Variants in ZNF483 observed in about 807,000 individuals in gnomAD.
ZNF483 encodes the protein zinc finger protein HIT-10.
Under a neutral mutation model 28.6 loss-of-function variants are expected in ZNF483, and 9 were observed. That is an observed-to-expected ratio of 0.32 (90% confidence interval 0.19 to 0.55). The LOEUF (loss-of-function observed/expected upper bound fraction) is 0.55. Ranked by LOEUF, ZNF483 falls within the 20% of genes least tolerant of loss-of-function variation. The pLI, the probability that ZNF483 is intolerant of heterozygous loss-of-function variation, is 0.93. For synonymous variants in ZNF483, 322 were observed against 306.2 expected, an observed-to-expected ratio of 1.05 and a Z score of -0.54; for missense variants, 675 against 871.7, an observed-to-expected ratio of 0.77 and a Z score of 2.84.
intron 2 of ZNF483, 119 bp downstream of exon 2, chr9:111,527,926 G>A: frequency 6.4e-7 from 1 of 1,571,742 alleles, no homozygotes; most frequent in Non-Finnish European, 8.6e-7. Flanking sequence ...GTTGGGACTG[G>A]GTTTGAATCA....
In ZNF483 at chr9:111,561,150, A is replaced by AGAGG. The variant is rs1554816404; in HGVS notation, c.722-15212_722-15211insGGAG. ...AGAGAGAGAGAGAGGAGAGAGAGGG[A>AGAGG]GAGAGAGAGAGAGAGAGAGAGAGAG... is the stretch of plus-strand genomic sequence containing the variant. On this transcript the variant is annotated intron_variant, in intron 5 of 5. Transcript: ENST00000358151. Among the ~76,000 whole-genome samples, 15 of 24,000 alleles carry AGAGG rather than the reference A, an allele frequency of 6.3e-4. 1 individual carries two copies. Among genetic ancestry groups the AGAGG allele is most frequent in the African/African-American group, 5.2e-3 (15 of 2,888 alleles). The allele number at this position is 24,000 out of a possible 152,430, so 15.7% of individuals were successfully genotyped here.
At position 111,548,016 on chromosome 9, in the gene ZNF483, T is replaced by G. The variant is rs937535168; in HGVS notation, c.*4846T>G. ...TCTTTATGCCAGTACCATGCTATTT[T>G]GATTACTCCAGTAATGTTTTGTAAT... On this transcript the variant is annotated 3_prime_UTR_variant, in exon 6 of 6. Transcript: ENST00000309235. Among the ~76,000 whole-genome samples, 1 of 152,232 alleles carries G rather than the reference T, an allele frequency of 6.6e-6. No individual in the cohort carries two copies. The highest frequency in any genetic ancestry group is 2.4e-5 in the African/African-American group (1 of 41,456).
rs938979299 is a variant in ZNF483, at chr9:111,551,472, A to G, written c.*8302A>G. Among the ~76,000 whole-genome samples the G allele has an allele frequency of 3.7e-5, 5 of 135,206 alleles. No individual in the cohort carries two copies. Among genetic ancestry groups the G allele is most frequent in the Admixed American group, 2.6e-4 (3 of 11,650 alleles). The allele number at this position is 135,206 out of a possible 152,430, so 88.7% of individuals were successfully genotyped here. The stretch of plus-strand genomic sequence containing the variant: ...GCCCAGGCTGGAGTGCAGTGGCGCA[A>G]TCTTGGTCCACTGCAACCTCCGCCT... On this transcript the variant is annotated 3_prime_UTR_variant, in exon 6 of 6. Coordinates refer to ENST00000309235, the MANE Select transcript of ZNF483 (RefSeq NM_133464.5).
At chr9:111,526,880 G>A (rs1411989162) in intron 1 of ZNF483, among the ~76,000 whole-genome samples, 1 of 152,050 alleles carries the variant, frequency 6.6e-6, no homozygotes, top group Admixed American at 6.5e-5. Flanking sequence ...TGGGTGGATC[G>A]CCTGAAGTCA....
At position 111,527,422 on chromosome 9, in the gene ZNF483, G is replaced by T; in HGVS notation, c.27G>T (p.Lys9Asn). 1 of 1,613,888 alleles carries T rather than the reference G, an allele frequency of 6.2e-7. No individual in the cohort carries two copies. The highest frequency in any genetic ancestry group is 1.1e-5 in the South Asian group (1 of 91,050). ...TGCAAGCTGTAGTGCCCTTGAACAA[G>T]ATGACAGCCATCTCACCAGAACCTC... MQAVVPLN[K>N]MTAISPEPQT... Residue 9 changes from lysine (K) to asparagine (N), a missense_variant, in exon 2 of 6, where the codon AAG becomes AAT. Lys to Asn is a moderately conservative substitution (Grantham distance 94). Transcript: ENST00000309235.
At chr9:111,535,451 G>GCCTGAATAAA (rs1564593935) in intron 5 of ZNF483, among the ~76,000 whole-genome samples, 1 of 152,148 alleles carries the variant, frequency 6.6e-6, no homozygotes, top group Non-Finnish European at 1.5e-5. Flanking sequence ...GGGAAAAAAT[G>GCCTGAATAAA]TACATATAAA....
chr9:111,574,621 G>T (rs1465647565), intron 5 of ZNF483: 68 of 556,040 alleles, frequency 1.2e-4, no homozygotes, highest in Non-Finnish European at 1.6e-4. Context: ...AAAAAAAAAA[G>T]AATATATGAA....
At chr9:111,574,362 T>G (rs1828963570) in intron 5 of ZNF483, 1 of 154,008 alleles carries the variant, frequency 6.5e-6, no homozygotes, top group Admixed American at 6.5e-5. Flanking sequence ...TTGTTATTAT[T>G]ATTTTGAGAC....
chr9:111,572,142 T>G (rs750994444), intron 5 of ZNF483, among the ~76,000 whole-genome samples: 38 of 152,252 alleles, frequency 2.5e-4, no homozygotes, highest in Non-Finnish European at 4.4e-4. Flanking sequence ...TCCCACTGAT[T>G]ACTTTGAGGA....
chr9:111,548,326 A>G lies in ZNF483; in HGVS notation c.*5156A>G, dbSNP rs566715145. Among the ~76,000 whole-genome samples the G allele has an allele frequency of 6.6e-6, 1 of 152,124 alleles. No individual in the cohort carries two copies. The highest frequency in any genetic ancestry group is 1.5e-5 in the Non-Finnish European group (1 of 68,018). On this transcript the variant is annotated 3_prime_UTR_variant, in exon 6 of 6. Coordinates refer to ENST00000309235, the MANE Select transcript of ZNF483 (RefSeq NM_133464.5). Reference sequence around the variant, plus strand: ...TTGTGCCGTCTTTAATTTTTTCAGCAATGTGTTACAGTTGTCATTGTACAA... The same window carrying G: ...TTGTGCCGTCTTTAATTTTTTCAGCGATGTGTTACAGTTGTCATTGTACAA...
chr9:111,537,248 G>A (rs1032692214), intron 5 of ZNF483, among the ~76,000 whole-genome samples: 78 of 151,500 alleles, frequency 5.1e-4, no homozygotes, highest in Admixed American at 4.9e-3. Flanking sequence ...TGGAGACAGA[G>A]TCTCACTCTG....
intron 5 of ZNF483, chr9:111,574,835 C>G: frequency 6.2e-7 from 1 of 1,612,136 alleles, no homozygotes; most frequent in South Asian, 1.1e-5. Context: ...TGAAAACTCT[C>G]CACCTACCTA....
chr9:111,535,238 T>C (rs1487365896), intron 5 of ZNF483, among the ~76,000 whole-genome samples: 1 of 151,866 alleles, frequency 6.6e-6, no homozygotes, highest in Non-Finnish European at 1.5e-5. Context: ...CAGGGGGAGG[T>C]GTGAGTGGTG....
At position 111,546,212 on chromosome 9, in the gene ZNF483, T is replaced by G. The variant is rs1827804141; in HGVS notation, c.*3042T>G. On this transcript the variant is annotated 3_prime_UTR_variant, in exon 6 of 6. Transcript: ENST00000309235. ...CATTCATGTATCTTAGTGAAATGTT[T>G]ATTCAGATTTTTTGTCCATTTAAAA... is the stretch of plus-strand genomic sequence containing the variant. Among the ~76,000 whole-genome samples, 1 of 152,210 alleles carries G rather than the reference T, an allele frequency of 6.6e-6. No individual in the cohort carries two copies. Among genetic ancestry groups the G allele is most frequent in the South Asian group, 2.1e-4 (1 of 4,838 alleles).
intron 5 of ZNF483, among the ~76,000 whole-genome samples, chr9:111,537,425 T>C (rs1827539525): frequency 6.6e-6 from 1 of 152,086 alleles, no homozygotes; most frequent in Admixed American, 6.6e-5. Flanking sequence ...TTTAACCATG[T>C]TGATCTCGAG....
At chr9:111,569,060 A>G (rs1472309719) in intron 5 of ZNF483, among the ~76,000 whole-genome samples, 1 of 152,244 alleles carries the variant, frequency 6.6e-6, no homozygotes, top group Admixed American at 6.5e-5. Flanking sequence ...AATATGGAGC[A>G]TGTTGAGCAG....
In ZNF483 at chr9:111,552,945, T is replaced by G. The variant is rs1828012536; in HGVS notation, c.*9775T>G. On this transcript the variant is annotated 3_prime_UTR_variant, in exon 6 of 6. Transcript: ENST00000309235. ...TTTCTAAATACGATAAAGTGATAAT[T>G]TCTTCATCTCTCCATCTAAGGTTCT... 6.6e-6 allele frequency among the ~76,000 whole-genome samples: 1 copy of G among 152,216 alleles called. No individual in the cohort carries two copies. The highest frequency in any genetic ancestry group is 2.1e-4 in the South Asian group (1 of 4,832).
chr9:111,536,234 A>G (rs1564594339), intron 5 of ZNF483, among the ~76,000 whole-genome samples: 1 of 151,656 alleles, frequency 6.6e-6, no homozygotes, highest in Non-Finnish European at 1.5e-5. Context: ...AAAAAATAAA[A>G]ATAGGCCAAG....
In ZNF483 at chr9:111,527,293, C is replaced by T; in HGVS notation, c.-103C>T. 7.0e-6 allele frequency: 9 copies of T among 1,287,164 alleles called. No individual in the cohort carries two copies. Among genetic ancestry groups the T allele is most frequent in the Non-Finnish European group, 9.6e-6 (9 of 932,906 alleles). 79.7% of individuals were successfully genotyped at this position (1,287,164 alleles called of 1,614,324 possible). ...TTTCTGCAGGACTGTAAACTGGATT[C>T]CTGGAACCTTTGATATTCCTGGCTG... On this transcript the variant is annotated 5_prime_UTR_variant, in exon 2 of 6. Coordinates refer to ENST00000309235, the MANE Select transcript of ZNF483 (RefSeq NM_133464.5).
Sources: gnomAD v4.1 joint callset for allele counts (sites outside exome capture counted in the v4.1 genomes callset) on GRCh38, gnomAD v4.1.1 for gene constraint, MANE v1.5 for transcripts, NCBI Gene and HGNC (gene_info 2026-07-23, HGNC 2026-07-21) for gene names.